The following TENT5A variants were observed in gnomAD, a reference collection of about 807,000 sequenced individuals.
The protein encoded by TENT5A is terminal nucleotidyltransferase 5A.
In TENT5A, 9 loss-of-function variants were observed where a neutral mutation model predicts 30.2. The ratio of observed to expected loss-of-function variants is 0.30; its 90% confidence interval spans 0.18 to 0.52. TENT5A has a LOEUF of 0.52. TENT5A is among the 20% of genes least tolerant of loss of function. The pLI is 0.97. For missense variants in TENT5A, 411 were observed against 566.1 expected, an observed-to-expected ratio of 0.73 and a Z score of 2.78; for synonymous variants, 264 against 234.2, an observed-to-expected ratio of 1.13 and a Z score of -1.16.
rs957484192 is a variant in TENT5A, at chr6:81,752,289, C to T, written c.-37-111G>A. ...AAGAGCGCCCCCTCCCCCGATAGTT[C>T]CCTGACCCCGGGCCTCCTCGGAGAC... On this transcript the variant is annotated intron_variant, in intron 1 of 2. Coordinates refer to ENST00000320172, the MANE Select transcript of TENT5A (RefSeq NM_017633.3). 2.8e-5 allele frequency: 42 copies of T among 1,516,616 alleles called. No individual in the cohort carries two copies. In the African/African-American group the frequency reaches 5.5e-4, roughly 20 times the overall value. The allele number at this position is 1,516,616 out of a possible 1,614,324, so 93.9% of individuals were successfully genotyped here.
chr6:81,749,598 T>C lies in TENT5A; in HGVS notation c.*97A>G. 2.0e-6 allele frequency: 3 copies of C among 1,489,004 alleles called. No homozygotes were observed. Among genetic ancestry groups the C allele is most frequent in the Admixed American group, 4.9e-5 (2 of 41,056 alleles). The allele number at this position is 1,489,004 out of a possible 1,614,324, so 92.2% of individuals were successfully genotyped here. On this transcript the variant is annotated 3_prime_UTR_variant, in exon 3 of 3. Coordinates refer to ENST00000320172, the MANE Select transcript of TENT5A (RefSeq NM_017633.3). Reference sequence around the variant, plus strand: ...ATCATCATTGCACAAAACACATCCCTAATAAGGGCTGGATCACTCTTTTTT... The same window carrying C: ...ATCATCATTGCACAAAACACATCCCCAATAAGGGCTGGATCACTCTTTTTT...
Position 81,748,138 on chromosome 6 carries a change from A to T in TENT5A, c.*1557T>A. 1 of 985,338 alleles carries T rather than the reference A, an allele frequency of 1.0e-6. No individual in the cohort carries two copies. Among genetic ancestry groups the T allele is most frequent in the Non-Finnish European group, 1.2e-6 (1 of 829,626 alleles). The allele number at this position is 985,338 out of a possible 1,614,324, so 61.0% of individuals were successfully genotyped here. On this transcript the variant is annotated 3_prime_UTR_variant, in exon 3 of 3. Transcript: ENST00000320172. ...CTAAATTCTAGTGGTCCAGAAATGC[A>T]GAATGCATTCATTAAAATTCATTTA...
In TENT5A at chr6:81,750,085, G is replaced by T; in HGVS notation, c.939C>A (p.Thr313=). ...GFRPASDEIK[T]LQRYMCSRFF... ...ACCTGGAACACATATACCTTTGAAG[G>T]GTCTTGATTTCATCAGAGGCGGGCC... Residue 313 remains threonine (T), a synonymous_variant, in exon 3 of 3, where the codon ACC becomes ACA. Transcript: ENST00000320172. The surrounding 1 kb of genome is among the most constrained non-coding windows in gnomAD (Gnocchi z 4.2). 2 of 1,613,980 alleles carry T rather than the reference G, an allele frequency of 1.2e-6. No homozygotes were observed. The highest frequency in any genetic ancestry group is 1.7e-6 in the Non-Finnish European group (2 of 1,179,956).
Position 81,748,386 on chromosome 6 carries a change from G to GA in TENT5A, c.*1308dup, listed in dbSNP as rs1171685213. On this transcript the variant is annotated 3_prime_UTR_variant, in exon 3 of 3. Transcript: ENST00000320172. ...TTGTGGAATTTTATGGCTCACCAAA[G>GA]AAAAAAAAAAAAAGAAAAAAAAATC... The GA allele has an allele frequency of 0.18, 95,630 of 536,262 alleles. 1 individual carries two copies. Among genetic ancestry groups the GA allele is most frequent in the Non-Finnish European group, 0.19 (87,593 of 453,696 alleles). 33.2% of individuals were successfully genotyped at this position (536,262 alleles called of 1,614,324 possible).
chr6:81,749,929 G>A lies in TENT5A; in HGVS notation c.1095C>T (p.Ser365=). 1 of 1,614,102 alleles carries A rather than the reference G, an allele frequency of 6.2e-7. No homozygotes were observed. The highest frequency in any genetic ancestry group is 1.3e-5 in the African/African-American group (1 of 75,044). The part of the protein sequence containing the change: ...LMTLHGVVNE[S]TVCLMGHERR... ...TTTCATGTCCCATCAGGCACACTGTGCTCTCATTTACCACTCCATGAAGGG... is the reference window on the plus strand; with the variant it reads ...TTTCATGTCCCATCAGGCACACTGTACTCTCATTTACCACTCCATGAAGGG... The change falls in exon 3 of 3, where the codon AGC becomes AGT. Residue 365 remains serine (S), a synonymous_variant. Transcript: ENST00000320172.
Position 81,752,670 on chromosome 6 carries a change from TA to T in TENT5A, c.-278del. ...ACACACGCTCGTGTCTCTGGAGCTTTAGCAGTTGTGCGGGGAAAATGTCTTC... is the reference window on the plus strand; with the variant it reads ...ACACACGCTCGTGTCTCTGGAGCTTTGCAGTTGTGCGGGGAAAATGTCTTC... On this transcript the variant is annotated 5_prime_UTR_variant, in exon 1 of 3. Transcript: ENST00000320172. The T allele has an allele frequency of 1.4e-6, 1 of 717,814 alleles. No homozygotes were observed. Among genetic ancestry groups the T allele is most frequent in the South Asian group, 1.5e-5 (1 of 67,610 alleles). The allele number at this position is 717,814 out of a possible 1,614,324, so 44.5% of individuals were successfully genotyped here. A position where few individuals can be genotyped will look rare whatever the true frequency, so the allele number is the denominator to read the frequency against.
rs777949452 is a variant in TENT5A, at chr6:81,752,060, C to A, written c.82G>T (p.Gly28Cys). ...SPYIPLGGDF[G>C]GGDFGGGDFG... ...TCGCCGCCGCCGAAGTCGCCGCCGC[C>A]GAAGTCGCCGCCTAGGGGGATGTAG... The change falls in exon 2 of 3, where the codon GGC (glycine) becomes TGC (cysteine). Residue 28 changes from glycine (G) to cysteine (C), a missense_variant. Around this residue, in one of 5 missense-constraint regions of TENT5A, gnomAD observed 10 missense variants for 32.6 expected, o/e 0.31. Coordinates refer to ENST00000320172, the MANE Select transcript of TENT5A (RefSeq NM_017633.3). The A allele has an allele frequency of 2.9e-6, 4 of 1,400,808 alleles. No individual in the cohort carries two copies. The highest frequency in any genetic ancestry group is 3.9e-6 in the Non-Finnish European group (4 of 1,038,908). The allele number at this position is 1,400,808 out of a possible 1,614,324, so 86.8% of individuals were successfully genotyped here.
In TENT5A at chr6:81,750,013, C is replaced by T. The variant is rs769841953; in HGVS notation, c.1011G>A (p.Glu337=). Residue 337 remains glutamate, a synonymous_variant, in exon 3 of 3, where the codon GAG becomes GAA. Transcript: ENST00000320172. This position sits in a 1 kb window ranked among gnomAD's most constrained non-coding sequence, Gnocchi z 4.2. ...SDIGEQQRKL[E]SYLQNHFVGL... ...CCACAAAGTGGTTCTGCAAATAGGA[C>T]TCCAGTTTTCTCTGCTGCTCTCCAA... The T allele has an allele frequency of 1.4e-5, 23 of 1,614,094 alleles. No homozygotes were observed. Among genetic ancestry groups the T allele is most frequent in the African/African-American group, 2.7e-5 (2 of 74,938 alleles).
chr6:81,752,225 G>C (rs1215678816), intron 1 of TENT5A, 47 bp from the exon 2 acceptor site: 4 of 1,254,778 alleles, frequency 3.2e-6, no homozygotes, highest in Admixed American at 6.1e-5. Context: ...CGGCGGCGGA[G>C]AGCACGCGCG....
Position 81,751,884 on chromosome 6 carries a change from C to T in TENT5A, c.258G>A (p.Gly86=). The stretch of plus-strand genomic sequence containing the variant: ...GCTCGAGCGTGGGGAAGTTGCCGCG[C>T]CCGTGAATCGGAATGGTCTCGCTCA... ...GILSETIPIH[G]RGNFPTLELQ... is the part of the protein sequence containing the mutation. Residue 86 remains glycine (G), a synonymous_variant, in exon 2 of 3, where the codon GGG becomes GGA. Transcript: ENST00000320172. The T allele has an allele frequency of 6.2e-7, 1 of 1,613,236 alleles. No homozygotes were observed. The highest frequency in any genetic ancestry group is 1.6e-4 in the Middle Eastern group (1 of 6,062).
At position 81,745,995 on chromosome 6, in the gene TENT5A, G is replaced by A. The variant is rs999451524; in HGVS notation, c.*3700C>T. The A allele has an allele frequency of 1.7e-5, 17 of 985,604 alleles. No individual in the cohort carries two copies. Among genetic ancestry groups the A allele is most frequent in the Middle Eastern group, 5.2e-4 (1 of 1,936 alleles). The allele number at this position is 985,604 out of a possible 1,614,324, so 61.1% of individuals were successfully genotyped here. A position where few individuals can be genotyped will look rare whatever the true frequency, so the allele number is the denominator to read the frequency against. Reference sequence around the variant, plus strand: ...GAGGGAGAGACAGCCAGCAGGCAGAGCCTCCTCCGTTCTGCAAGGCTTTGC... The same window carrying A: ...GAGGGAGAGACAGCCAGCAGGCAGAACCTCCTCCGTTCTGCAAGGCTTTGC... On this transcript the variant is annotated 3_prime_UTR_variant, in exon 3 of 3. Transcript: ENST00000320172.
rs747146602 is a variant in TENT5A at position 81,748,833 on chromosome 6, T to C, written c.*862A>G. ...ATAAAATAAAATAATCATTAAACCA[T>C]AAAATAATTTTGCCACTTCAAATTT... is the stretch of plus-strand genomic sequence containing the variant. On this transcript the variant is annotated 3_prime_UTR_variant, in exon 3 of 3. Transcript: ENST00000320172. 3 of 985,152 alleles carry C rather than the reference T, an allele frequency of 3.0e-6. No individual in the cohort carries two copies. Among genetic ancestry groups the C allele is most frequent in the Non-Finnish European group, 3.6e-6 (3 of 829,258 alleles). 61.0% of individuals were successfully genotyped at this position (985,152 alleles called of 1,614,324 possible).
At position 81,752,095 on chromosome 6, in the gene TENT5A, G is replaced by A; in HGVS notation, c.47C>T (p.Ala16Val). The A allele has an allele frequency of 6.8e-7, 1 of 1,480,044 alleles. No homozygotes were observed. Among genetic ancestry groups the A allele is most frequent in the Non-Finnish European group, 9.0e-7 (1 of 1,113,852 alleles). 91.7% of individuals were successfully genotyped at this position (1,480,044 alleles called of 1,614,324 possible). Residue 16 changes from alanine to valine, a missense_variant, in exon 2 of 3, where the codon GCC becomes GTC. By Grantham distance (64) the Ala-to-Val change is moderately conservative. Around this residue, in one of 5 missense-constraint regions of TENT5A, gnomAD observed 34 missense variants for 29.3 expected, o/e 1.16. Transcript: ENST00000320172. ...GCCTAGGGGGATGTAGGGGCTGCAGGCCAGCTCGTCCTCAGACATGGCGAA... is the reference window on the plus strand; with the variant it reads ...GCCTAGGGGGATGTAGGGGCTGCAGACCAGCTCGTCCTCAGACATGGCGAA... Reference protein sequence around the residue: ...GYFAMSEDELACSPYIPLGGD... With the variant: ...GYFAMSEDELVCSPYIPLGGD...
Position 81,752,193 on chromosome 6 carries a change from A to T in TENT5A, c.-37-15T>A. 6.7e-7 allele frequency: 1 copy of T among 1,484,572 alleles called. No homozygotes were observed. The highest frequency in any genetic ancestry group is 8.9e-7 in the Non-Finnish European group (1 of 1,119,422). The allele number at this position is 1,484,572 out of a possible 1,614,324, so 92.0% of individuals were successfully genotyped here. On this transcript the variant is annotated splice_polypyrimidine_tract_variant and intron_variant, in intron 1 of 2. Transcript: ENST00000320172. ...CCTGGTCAGTCCTAAAAAGAAAGGG[A>T]AAGGAGCGCGGTGAGGACGCGCGGC...
chr6:81,752,287 T>C, intron 1 of TENT5A, 109 bp from the exon 2 acceptor site: 1 of 1,508,378 alleles, frequency 6.6e-7, no homozygotes, highest in Non-Finnish European at 8.9e-7. Context: ...CCCCCGATAG[T>C]TCCCTGACCC....
At chr6:81,752,270 G>T in intron 1 of TENT5A, 92 bp from the exon 2 acceptor site, 4 of 1,484,334 alleles carry the variant, frequency 2.7e-6, no homozygotes, top group Non-Finnish European at 2.7e-6. Flanking sequence ...GGAAAAGAGC[G>T]CCCCCTCCCC....
In TENT5A at chr6:81,748,538, T is replaced by C. The variant is rs946542267; in HGVS notation, c.*1157A>G. ...ATGCCCACGTCTCATGTTATCCTGT[T>C]GAAAACATAAAAACACACAGTATTT... On this transcript the variant is annotated 3_prime_UTR_variant, in exon 3 of 3. Transcript: ENST00000320172. The C allele has an allele frequency of 1.0e-6, 1 of 982,382 alleles. No individual in the cohort carries two copies. The highest frequency in any genetic ancestry group is 6.2e-5 in the Admixed American group (1 of 16,242). 60.9% of individuals were successfully genotyped at this position (982,382 alleles called of 1,614,324 possible).
chr6:81,751,603 G>A lies in TENT5A; in HGVS notation c.539C>T (p.Pro180Leu). Residue 180 changes from proline to leucine, a missense_variant, in exon 2 of 3, where the codon CCA becomes CTA. This residue lies in a region of TENT5A where 135 missense variants were observed against 240.0 expected (regional missense o/e 0.56). Coordinates refer to ENST00000320172, the MANE Select transcript of TENT5A (RefSeq NM_017633.3). ...PEGVNKEKIT[P>L]LTLKEAYVQK... is the part of the protein sequence containing the mutation. ...GGGTGGTGTTACCTTGAGCGTGAGT[G>A]GTGTGATCTTCTCTTTGTTCACCCC... is the stretch of plus-strand genomic sequence containing the variant. 1 of 1,609,808 alleles carries A rather than the reference G, an allele frequency of 6.2e-7. No homozygotes were observed. The highest frequency in any genetic ancestry group is 8.5e-7 in the Non-Finnish European group (1 of 1,177,682).
Position 81,751,944 on chromosome 6 carries a change from C to T in TENT5A, c.198G>A (p.Leu66=), listed in dbSNP as rs763889297. ...CCAGCCGCTGCACTTGCTCCCAGTT[C>T]AGCACATTGCAGTGCGCCGTAGGGC... ...CESPTAHCNV[L]NWEQVQRLDG... is the part of the protein sequence containing the mutation. The change falls in exon 2 of 3, where the codon CTG becomes CTA. Residue 66 remains leucine (L), a synonymous_variant. Coordinates refer to ENST00000320172, the MANE Select transcript of TENT5A (RefSeq NM_017633.3). 116 of 1,610,002 alleles carry T rather than the reference C, an allele frequency of 7.2e-5. No homozygotes were observed. Among genetic ancestry groups the T allele is most frequent in the Middle Eastern group, 6.6e-4 (4 of 6,078 alleles).
Sources: gnomAD v4.1 joint callset for allele counts on GRCh38, gnomAD v4.1.1 for gene constraint, gnomAD v4.1.1 regional missense constraint, Gnocchi (gnomAD v3.1) non-coding constraint, MANE v1.5 for transcripts, NCBI Gene and HGNC (gene_info 2026-07-23, HGNC 2026-07-21) for gene names.